RGS5: variants seen among roughly 807,000 people sequenced by gnomAD.
RGS5 encodes the protein regulator of G-protein signalling 5.
In RGS5, 20 loss-of-function variants were observed where a neutral mutation model predicts 18.9. The observed-to-expected ratio is 1.06, with a 90% CI of 0.74 to 1.54. RGS5 has a LOEUF of 1.54. RGS5 is among the 40% of genes most tolerant of loss of function. The probability of loss-of-function intolerance (pLI) is 0.00; values close to 1 mark genes in which losing one functional copy is unlikely to be tolerated. For missense variants in RGS5, 201 were observed against 211.8 expected (o/e 0.95, Z 0.32); for synonymous variants, 57 against 76.2 (o/e 0.75, Z 1.31).
chr1:163,196,545 G>T (rs559651109), intron 1 of RGS5, among the ~76,000 whole-genome samples: 2 of 152,202 alleles, frequency 1.3e-5, no homozygotes, highest in South Asian at 2.1e-4. Flanking sequence ...ATGAAAGAAA[G>T]AATAGAAAGG....
intron 1 of RGS5, among the ~76,000 whole-genome samples, chr1:163,320,927 A>C (rs1650182763): frequency 6.6e-6 from 1 of 152,104 alleles, no homozygotes; most frequent in South Asian, 2.1e-4. Context: ...CATCCAACAC[A>C]CGACTGTCAC....
chr1:163,226,263 C>A (rs577199818), intron 2 of RGS5, among the ~76,000 whole-genome samples: 1 of 152,152 alleles, frequency 6.6e-6, no homozygotes, highest in African/African-American at 2.4e-5. Context: ...GGATTTAATA[C>A]GAAAAACTGT....
rs1415633457 is a variant in RGS5, at chr1:163,147,099, A to G, written c.*243T>C. 1 of 336,290 alleles carries G rather than the reference A, an allele frequency of 3.0e-6. No individual in the cohort carries two copies. The highest frequency in any genetic ancestry group is 4.9e-5 in the East Asian group (1 of 20,400). 20.8% of individuals were successfully genotyped at this position (336,290 alleles called of 1,614,324 possible). A position where few individuals can be genotyped will look rare whatever the true frequency, so the allele number is the denominator to read the frequency against. ...TGTGATTCTGATTGTGTCTGACTAC[A>G]AGCTGAAGATATCTTAATTAATAAC... On this transcript the variant is annotated 3_prime_UTR_variant, in exon 5 of 5. Transcript: ENST00000313961.
intron 4 of RGS5, among the ~76,000 whole-genome samples, chr1:163,149,426 T>C (rs913490028): frequency 3.9e-5 from 6 of 152,204 alleles, no homozygotes; most frequent in Admixed American, 2.6e-4. Flanking sequence ...ATTATAAAAG[T>C]AGCTCCTAAT....
chr1:163,278,518 T>A (rs2940670), intron 2 of RGS5, among the ~76,000 whole-genome samples: 1 of 151,796 alleles, frequency 6.6e-6, no homozygotes, highest in Admixed American at 6.6e-5. Context: ...TCTATTATCA[T>A]GAAAACACAG....
In RGS5 at chr1:163,251,674, C is replaced by T. The variant is rs1446438518; in HGVS notation, c.-281+54559G>A. On this transcript the variant is annotated intron_variant, in intron 2 of 5. Transcript: ENST00000618415. ...ATATTGTGCTACTCCTGTAGTTATA[C>T]GGAGCTGTGTCCTTGGTCTTCAGCA... Among the ~76,000 whole-genome samples, 6 of 152,266 alleles carry T rather than the reference C, an allele frequency of 3.9e-5. No homozygotes were observed. The East Asian group carries it at 5.8e-4, about 15-fold the overall frequency.
upstream of RGS5, among the ~76,000 whole-genome samples, chr1:163,218,831 A>C (rs1165979823): frequency 1.3e-5 from 2 of 152,154 alleles, no homozygotes; most frequent in Non-Finnish European, 2.9e-5. Context: ...TTTCCTAAGA[A>C]GTGTTCTCTA....
chr1:163,166,302 A>G (rs951466820), intron 2 of RGS5, among the ~76,000 whole-genome samples: 4 of 145,682 alleles, frequency 2.7e-5, no homozygotes, highest in Non-Finnish European at 6.0e-5. Context: ...TTTAAAAGTG[A>G]GAACTCAAAA....
At position 163,181,142 on chromosome 1, in the gene RGS5, C is replaced by T. The variant is rs76021758; in HGVS notation, c.45-12774G>A. 8.3e-3 allele frequency among the ~76,000 whole-genome samples: 1,269 copies of T among 152,222 alleles called. 18 individuals are homozygous for T. The highest frequency in any genetic ancestry group is 0.029 in the African/African-American group (1,195 of 41,528). ...TGAGGTGGGGTTTGAGGATTCACATCTCTGGTTCAGGACCACACTTTGAGA... is the reference window on the plus strand; with the variant it reads ...TGAGGTGGGGTTTGAGGATTCACATTTCTGGTTCAGGACCACACTTTGAGA... On this transcript the variant is annotated intron_variant, in intron 1 of 4. Transcript: ENST00000313961.
chr1:163,150,448 C>T (rs55726178), intron 4 of RGS5, among the ~76,000 whole-genome samples: 7,255 of 152,110 alleles, frequency 0.048, 267 homozygotes, highest in South Asian at 0.099. Flanking sequence ...GAAGGTAAGT[C>T]GGAGAATCCT....
chr1:163,245,213 C>T (rs1372617068), intron 2 of RGS5, among the ~76,000 whole-genome samples: 1 of 151,962 alleles, frequency 6.6e-6, no homozygotes, highest in African/African-American at 2.4e-5. Flanking sequence ...TTGCTCTTTT[C>T]ACTCACTTCT....
intron 2 of RGS5, among the ~76,000 whole-genome samples, chr1:163,301,652 G>GA (rs910248956): frequency 5.9e-5 from 9 of 151,792 alleles, no homozygotes; most frequent in African/African-American, 1.9e-4. Context: ...TCTTTATAAA[G>GA]AAAAAAAATG....
rs180791703 is a variant in RGS5, at chr1:163,259,049, T to A, written c.-281+47184A>T. On this transcript the variant is annotated intron_variant, in intron 2 of 5. Transcript: ENST00000618415. ...AAAGAGCCAAGGTGTTCCATGTATA[T>A]AACATGACGATGATGCTAGTTTATT... 7.9e-5 allele frequency among the ~76,000 whole-genome samples: 12 copies of A among 152,232 alleles called. No individual in the cohort carries two copies. The East Asian group carries it at 2.3e-3, about 30-fold the overall frequency.
intron 4 of RGS5, among the ~76,000 whole-genome samples, chr1:163,150,687 G>C (rs935957768): frequency 2.6e-5 from 4 of 152,024 alleles, no homozygotes; most frequent in African/African-American, 9.7e-5. Flanking sequence ...ATTCTTTCTA[G>C]CACCTTTTCA....
chr1:163,240,039 C>G (rs74408370), intron 2 of RGS5, among the ~76,000 whole-genome samples: 12,750 of 146,702 alleles, frequency 0.087, 574 homozygotes, highest in Middle Eastern at 0.13. Context: ...CTTTAGAAAA[C>G]TGTTTAGCAG....
At chr1:163,163,769 C>T (rs748582269) in intron 2 of RGS5, among the ~76,000 whole-genome samples, 1 of 152,164 alleles carries the variant, frequency 6.6e-6, no homozygotes, top group East Asian at 1.9e-4. Flanking sequence ...AGCAGCAGGA[C>T]ATTAAATTAT....
At chr1:163,166,680 T>C (rs1658068784) in intron 2 of RGS5, among the ~76,000 whole-genome samples, 1 of 152,180 alleles carries the variant, frequency 6.6e-6, no homozygotes. Flanking sequence ...CAAAACAATT[T>C]AGGCTTCTGG....
upstream of RGS5, among the ~76,000 whole-genome samples, chr1:163,203,712 G>A (rs914785864): frequency 2.0e-5 from 3 of 152,106 alleles, no homozygotes; most frequent in Admixed American, 6.6e-5. Context: ...GTGGTCTTCT[G>A]ATTATACTTT....
At chr1:163,168,133 G>C in intron 2 of RGS5, 125 bp downstream of exon 2, 1 of 647,404 alleles carries the variant, frequency 1.5e-6, no homozygotes, top group East Asian at 2.6e-5. Flanking sequence ...CCAACTCTCT[G>C]AGGGCTCTTA....
Sources: gnomAD v4.1 joint callset for allele counts (sites outside exome capture counted in the v4.1 genomes callset) on GRCh38, gnomAD v4.1.1 for gene constraint, MANE v1.5 for transcripts, NCBI Gene and HGNC (gene_info 2026-07-23, HGNC 2026-07-21) for gene names.